PCDH15: variants seen among roughly 807,000 people sequenced by gnomAD.
PCDH15 encodes protocadherin-15.
In PCDH15, 129 loss-of-function variants were observed where a neutral mutation model predicts 178.5. That is an observed-to-expected ratio of 0.72 (90% confidence interval 0.63 to 0.84). The LOEUF (loss-of-function observed/expected upper bound fraction) is 0.84, where lower values mean the gene tolerates loss of function less well. Among genes scored for constraint, PCDH15 ranks in the 40% least tolerant of loss-of-function variants. The pLI, the probability that PCDH15 is intolerant of heterozygous loss-of-function variation, is 0.00. For synonymous variants in PCDH15, 800 were observed against 732.0 expected (o/e 1.09, Z -1.50); for missense variants, 2,230 against 2,099.9 (o/e 1.06, Z -1.21).
chr10:55,420,736 G>A (rs1309714856), intron 2 of PCDH15, among the ~76,000 whole-genome samples: 1 of 151,504 alleles, frequency 6.6e-6, no homozygotes, highest in African/African-American at 2.4e-5. Context: ...ATGTAACAAT[G>A]GCTTAAGAGA....
chr10:54,459,707 T>C (rs12570055), intron 3 of PCDH15, among the ~76,000 whole-genome samples: 15,281 of 152,138 alleles, frequency 0.1, 973 homozygotes, highest in East Asian at 0.29. Context: ...TATGTAATCA[T>C]AAAATTGCAG....
At chr10:55,208,265 T>C (rs1166602603) in intron 1 of PCDH15, among the ~76,000 whole-genome samples, 1 of 152,128 alleles carries the variant, frequency 6.6e-6, no homozygotes, top group East Asian at 1.9e-4. Flanking sequence ...ACAAGTGTTC[T>C]GCTTATCAAA....
chr10:54,124,023 G>A lies in PCDH15; in HGVS notation c.1917+8852C>T, dbSNP rs145212011. On this transcript the variant is annotated intron_variant, in intron 15 of 37. Transcript: ENST00000644397. ...TAGAGGGGGCTGGCTGAGAGGGAGC[G>A]TAGCAAGGCTGGAAAAACCAACTGT... 7.7e-3 allele frequency among the ~76,000 whole-genome samples: 1,167 copies of A among 152,166 alleles called. 15 individuals carry two copies. The highest frequency in any genetic ancestry group is 8.2e-3 in the Non-Finnish European group (557 of 67,996).
chr10:54,009,305 A>C (rs769300969), intron 20 of PCDH15, among the ~76,000 whole-genome samples: 2 of 151,092 alleles, frequency 1.3e-5, no homozygotes, highest in Non-Finnish European at 3.0e-5. Context: ...TTAAGTATAT[A>C]GACATGTGGA....
At chr10:54,773,322 C>A (rs1054950466) in intron 1 of PCDH15, among the ~76,000 whole-genome samples, 25 of 152,010 alleles carry the variant, frequency 1.6e-4, no homozygotes, top group South Asian at 2.1e-4. Flanking sequence ...CAAATGAATA[C>A]AAATGCTTAA....
intron 2 of PCDH15, among the ~76,000 whole-genome samples, chr10:55,387,146 G>T (rs980465962): frequency 1.3e-5 from 2 of 151,924 alleles, no homozygotes; most frequent in African/African-American, 2.4e-5. Flanking sequence ...TTTCCAAATG[G>T]CTTCCAAATG....
chr10:54,819,653 T>C (rs1339457211), intron 3 of PCDH15, among the ~76,000 whole-genome samples: 1 of 152,048 alleles, frequency 6.6e-6, no homozygotes, highest in Non-Finnish European at 1.5e-5. Context: ...TAGTGTGGCA[T>C]TCAATAATAT....
intron 1 of PCDH15, among the ~76,000 whole-genome samples, chr10:54,666,035 CATT>C (rs1247517383): frequency 6.6e-6 from 1 of 151,958 alleles, no homozygotes; most frequent in Non-Finnish European, 1.5e-5. Flanking sequence ...TCACATTTCT[CATT>C]ATCATAATGG....
rs1279766530 is a variant in PCDH15 at position 54,430,760 on chromosome 10, AAAGAC to A, written c.158-51823_158-51819del. Among the ~76,000 whole-genome samples, 5 of 152,218 alleles carry A rather than the reference AAAGAC, an allele frequency of 3.3e-5. No individual in the cohort carries two copies. The South Asian group carries it at 6.2e-4, about 19-fold the overall frequency. ...TTACTTGTAGAAGAAAATAAATAAT[AAAGAC>A]AAGAGCAGAAAAAAAAATTCCAATG... On this transcript the variant is annotated intron_variant, in intron 3 of 37. Coordinates refer to ENST00000644397, the MANE Select transcript of PCDH15 (RefSeq NM_001384140.1).
intron 9 of PCDH15, among the ~76,000 whole-genome samples, chr10:54,226,971 C>A (rs1191203262): frequency 6.6e-6 from 1 of 152,228 alleles, no homozygotes; most frequent in African/African-American, 2.4e-5. Flanking sequence ...GACAACTCCA[C>A]CCCTGTTGCT....
At chr10:54,235,256 C>T (rs2054509802) in intron 9 of PCDH15, among the ~76,000 whole-genome samples, 1 of 152,154 alleles carries the variant, frequency 6.6e-6, no homozygotes, top group Non-Finnish European at 1.5e-5. Flanking sequence ...TGATAATAAA[C>T]ACTTACTTAT....
At chr10:54,989,560 G>T (rs1839452089) in intron 2 of PCDH15, among the ~76,000 whole-genome samples, 1 of 152,170 alleles carries the variant, frequency 6.6e-6, no homozygotes, top group East Asian at 1.9e-4. Flanking sequence ...TGAGCTTTAA[G>T]ATTTGACTCC....
chr10:54,588,602 G>T (rs1590305112), intron 2 of PCDH15, among the ~76,000 whole-genome samples: 1 of 152,086 alleles, frequency 6.6e-6, no homozygotes, highest in African/African-American at 2.4e-5. Flanking sequence ...TCTTGAGACA[G>T]GATCTCACTC....
intron 2 of PCDH15, among the ~76,000 whole-genome samples, chr10:54,616,713 C>T (rs1482375029): frequency 1.3e-5 from 2 of 152,080 alleles, no homozygotes; most frequent in Non-Finnish European, 2.9e-5. Flanking sequence ...CCCAGTCAGA[C>T]TTATGAGTAC....
rs138987519 is a variant in PCDH15, at chr10:54,413,635, A to G, written c.158-34693T>C. 2.4e-3 allele frequency among the ~76,000 whole-genome samples: 364 copies of G among 152,320 alleles called. 2 individuals carry two copies. Among genetic ancestry groups the G allele is most frequent in the Middle Eastern group, 6.8e-3 (2 of 294 alleles). On this transcript the variant is annotated intron_variant, in intron 3 of 37. Coordinates refer to ENST00000644397, the MANE Select transcript of PCDH15 (RefSeq NM_001384140.1). ...TTTAAAAAAGCCTTTTTGGGAATCA[A>G]TGTAAGTTTCATAATTCAGCCAGCT...
At chr10:55,510,515 A>G (rs1036277060) in intron 2 of PCDH15, among the ~76,000 whole-genome samples, 3 of 151,960 alleles carry the variant, frequency 2.0e-5, no homozygotes, top group African/African-American at 7.2e-5. Context: ...ATATTTCAAT[A>G]ACTTGTGTCC....
chr10:54,151,679 C>A (rs1052328059), intron 14 of PCDH15, among the ~76,000 whole-genome samples: 4 of 152,010 alleles, frequency 2.6e-5, no homozygotes, highest in African/African-American at 9.7e-5. Flanking sequence ...AATGCATGGA[C>A]AAATGCAAAT....
intron 3 of PCDH15, among the ~76,000 whole-genome samples, chr10:54,856,030 T>G (rs968360033): frequency 2.0e-5 from 3 of 152,246 alleles, no homozygotes; most frequent in African/African-American, 7.2e-5. Flanking sequence ...TGCACATCTT[T>G]CTTCTTTTCC....
At chr10:53,889,904 T>C (rs2133463214) in intron 26 of PCDH15, among the ~76,000 whole-genome samples, 1 of 152,294 alleles carries the variant, frequency 6.6e-6, no homozygotes, top group East Asian at 1.9e-4. Context: ...CCTAAGTCTA[T>C]AAAAATATCG....
Sources: allele counts gnomAD v4.1 joint callset (sites outside exome capture counted in the v4.1 genomes callset), GRCh38; gene constraint gnomAD v4.1.1; transcripts MANE v1.5; gene names NCBI Gene and HGNC (gene_info 2026-07-23, HGNC 2026-07-21).